Variants in MREG observed in about 807,000 individuals in gnomAD.
The protein encoded by MREG is dilute suppressor protein homolog.
A neutral mutation model predicts 28.5 loss-of-function variants in MREG; 31 were observed. The observed-to-expected ratio is 1.09, with a 90% confidence interval of 0.82 to 1.47. The LOEUF (loss-of-function observed/expected upper bound fraction) is 1.47. Ranked by LOEUF, MREG falls within the 40% of genes most tolerant of loss-of-function variation. The probability of loss-of-function intolerance (pLI) is 0.00; values close to 1 mark genes in which losing one functional copy is unlikely to be tolerated. For synonymous variants in MREG, 106 were observed against 95.2 expected (o/e 1.11, Z -0.66); for missense variants, 256 against 257.4 (o/e 0.99, Z 0.04).
chr2:215,986,110 C>G (rs1693563487), intron 2 of MREG, among the ~76,000 whole-genome samples: 1 of 152,124 alleles, frequency 6.6e-6, no homozygotes, highest in Non-Finnish European at 1.5e-5. Context: ...AGTAGTAGTC[C>G]TTGCTATAAA....
Position 215,979,472 on chromosome 2 carries a change from ATAAT to A in MREG, c.255+16830_255+16833del, listed in dbSNP as rs1559184958. On this transcript the variant is annotated intron_variant, in intron 2 of 4. Coordinates refer to ENST00000263268, the MANE Select transcript of MREG (RefSeq NM_018000.3). ...GAGTGAAACTCCATCTCAAAAAATA[ATAAT>A]AATAATAATAATAATAATAATAATA... Among the ~76,000 whole-genome samples, 85 of 98,738 alleles carry A rather than the reference ATAAT, an allele frequency of 8.6e-4. 3 individuals carry two copies. Among genetic ancestry groups the A allele is most frequent in the African/African-American group, 3.3e-3 (83 of 25,254 alleles). The allele number at this position is 98,738 out of a possible 152,430, so 64.8% of individuals were successfully genotyped here.
At chr2:215,982,961 C>T (rs1193313876) in intron 2 of MREG, among the ~76,000 whole-genome samples, 1 of 152,080 alleles carries the variant, frequency 6.6e-6, no homozygotes, top group East Asian at 1.9e-4. Flanking sequence ...GTGCAAGAAC[C>T]CTTGATTCTC....
At chr2:215,951,719 T>C (rs1387079569) in intron 2 of MREG, among the ~76,000 whole-genome samples, 1 of 152,138 alleles carries the variant, frequency 6.6e-6, no homozygotes, top group Non-Finnish European at 1.5e-5. Context: ...CAAATCAGAT[T>C]AGGGCTGCTA....
At chr2:215,954,537 T>C (rs1204457569) in intron 2 of MREG, among the ~76,000 whole-genome samples, 1 of 150,996 alleles carries the variant, frequency 6.6e-6, no homozygotes, top group Non-Finnish European at 1.5e-5. Flanking sequence ...CTGGTGAAGT[T>C]ATGTAACTTG....
intron 1 of MREG, among the ~76,000 whole-genome samples, chr2:216,010,476 A>G (rs954717401): frequency 7.0e-6 from 1 of 142,172 alleles, no homozygotes; most frequent in South Asian, 2.3e-4. Context: ...TCCTGCCTCA[A>G]CCTCCCGAGT....
chr2:216,008,693 T>C (rs142365418), intron 1 of MREG, among the ~76,000 whole-genome samples: 1 of 152,364 alleles, frequency 6.6e-6, no homozygotes, highest in Non-Finnish European at 1.5e-5. Flanking sequence ...GACTGTTTTG[T>C]GCCCACACAA....
rs200847925 is a variant in MREG, at chr2:215,961,956, C to A, written c.256-14843G>T. Among the ~76,000 whole-genome samples, 5 of 152,250 alleles carry A rather than the reference C, an allele frequency of 3.3e-5. No homozygotes were observed. In the East Asian group the frequency reaches 9.6e-4, roughly 29 times the overall value. On this transcript the variant is annotated intron_variant, in intron 2 of 4. Coordinates refer to ENST00000263268, the MANE Select transcript of MREG (RefSeq NM_018000.3). ...GCGGAGCCTCAAACCCCAAATCACACCTTGGAGTTACTGCTTAGAGCACCT... is the reference window on the plus strand; with the variant it reads ...GCGGAGCCTCAAACCCCAAATCACAACTTGGAGTTACTGCTTAGAGCACCT...
At position 215,998,317 on chromosome 2, in the gene MREG, A is replaced by AT. The variant is rs1553554002; in HGVS notation, c.96-1853_96-1852insA. The stretch of plus-strand genomic sequence containing the variant: ...CAAAACTCCATCTCACAAAAAAAAA[A>AT]AAAAATAATAATAATAATAATAATA... On this transcript the variant is annotated intron_variant, in intron 1 of 4. Transcript: ENST00000263268. 8.6e-3 allele frequency among the ~76,000 whole-genome samples: 1,262 copies of AT among 146,538 alleles called. 6 individuals are homozygous for AT. The highest frequency in any genetic ancestry group is 0.02 in the African/African-American group (770 of 38,914).
intron 1 of MREG, 63 bp from the exon 2 acceptor site, chr2:215,996,528 T>C (rs1693879448): frequency 1.7e-6 from 2 of 1,192,298 alleles, no homozygotes; most frequent in Non-Finnish European, 1.2e-6. Context: ...ATATGTCATA[T>C]GCATGCAACA....
intron 2 of MREG, among the ~76,000 whole-genome samples, chr2:215,963,435 C>T (rs1279695479): frequency 2.1e-5 from 1 of 46,660 alleles, no homozygotes; most frequent in Admixed American, 2.5e-4. Flanking sequence ...GAACCCATCT[C>T]AAAAAAAAAA....
chr2:215,940,856 CGT>C (rs964353809), downstream of MREG, among the ~76,000 whole-genome samples: 3 of 151,874 alleles, frequency 2.0e-5, no homozygotes, highest in Non-Finnish European at 2.9e-5. Flanking sequence ...TGTGTGCGCG[CGT>C]GTGTGTGTGT....
chr2:215,957,215 A>G lies in MREG; in HGVS notation c.256-10102T>C, dbSNP rs566677420. On this transcript the variant is annotated intron_variant, in intron 2 of 4. Transcript: ENST00000263268. ...GCCTGAGGAGGAACTAGGAAAACAC[A>G]ATTGAAATCTGGGGAGAAAACAGAA... Among the ~76,000 whole-genome samples, 6 of 152,316 alleles carry G rather than the reference A, an allele frequency of 3.9e-5. No homozygotes were observed. The South Asian group carries it at 1.0e-3, about 26-fold the overall frequency.
intron 2 of MREG, among the ~76,000 whole-genome samples, chr2:215,978,172 T>C (rs1693309077): frequency 1.3e-5 from 2 of 151,962 alleles, no homozygotes; most frequent in Admixed American, 6.5e-5. Context: ...AAGAATCAAA[T>C]AGATGCAATA....
At chr2:216,000,455 G>A (rs139871819) in intron 1 of MREG, among the ~76,000 whole-genome samples, 75 of 151,978 alleles carry the variant, frequency 4.9e-4, no homozygotes, top group African/African-American at 1.8e-3. Context: ...ACCCAGACCT[G>A]GCACAGAGCT....
chr2:216,002,089 T>C lies in MREG; in HGVS notation c.96-5624A>G, dbSNP rs556048474. On this transcript the variant is annotated intron_variant, in intron 1 of 4. Coordinates refer to ENST00000263268, the MANE Select transcript of MREG (RefSeq NM_018000.3). ...CTAAAGAAAGTGAGAGTGGTTGTGT[T>C]TCCCCTGGCCACCACCTGCTGATGA... Among the ~76,000 whole-genome samples the C allele has an allele frequency of 2.0e-5, 3 of 152,208 alleles. No individual in the cohort carries two copies. The South Asian group carries it at 6.2e-4, about 32-fold the overall frequency.
rs4258792 is a variant in MREG at position 215,942,779 on chromosome 2, C to A, written c.*2084G>T. Reference sequence around the variant, plus strand: ...AAAGGCAAAATACAAATTCTGAGACCGAGAGTAAAACAATACGACATCCTT... The same window carrying A: ...AAAGGCAAAATACAAATTCTGAGACAGAGAGTAAAACAATACGACATCCTT... On this transcript the variant is annotated 3_prime_UTR_variant, in exon 5 of 5. Coordinates refer to ENST00000263268, the MANE Select transcript of MREG (RefSeq NM_018000.3). 0.8 allele frequency: 122,667 copies of A among 152,660 alleles called. 49,723 individuals carry two copies. Among genetic ancestry groups the A allele is most frequent in the African/African-American group, 0.92 (38,070 of 41,566 alleles). 9.5% of individuals were successfully genotyped at this position (152,660 alleles called of 1,614,324 possible). A position where few individuals can be genotyped will look rare whatever the true frequency, so the allele number is the denominator to read the frequency against.
intron 2 of MREG, among the ~76,000 whole-genome samples, chr2:215,977,554 C>T (rs1038026683): frequency 1.3e-5 from 2 of 152,204 alleles, no homozygotes; most frequent in African/African-American, 4.8e-5. Context: ...CAGAACTCTC[C>T]ACCCCAAATC....
chr2:215,942,104 T>A (rs960636768), downstream of MREG, among the ~76,000 whole-genome samples: 1 of 152,182 alleles, frequency 6.6e-6, no homozygotes, highest in African/African-American at 2.4e-5. Context: ...GTGCAACACA[T>A]CCATGAACTG....
rs1553554016 is a variant in MREG at position 215,998,320 on chromosome 2, A to AATAAT, written c.96-1856_96-1855insATTAT. On this transcript the variant is annotated intron_variant, in intron 1 of 4. Transcript: ENST00000263268. ...AACTCCATCTCACAAAAAAAAAAAA[A>AATAAT]AATAATAATAATAATAATAATAATA... Among the ~76,000 whole-genome samples, 862 of 138,840 alleles carry AATAAT rather than the reference A, an allele frequency of 6.2e-3. 9 individuals are homozygous for AATAAT. The highest frequency in any genetic ancestry group is 0.022 in the African/African-American group (812 of 36,928). 91.1% of individuals were successfully genotyped at this position (138,840 alleles called of 152,430 possible). A position where few individuals can be genotyped will look rare whatever the true frequency, so the allele number is the denominator to read the frequency against.
Sources: allele counts gnomAD v4.1 joint callset (sites outside exome capture counted in the v4.1 genomes callset), GRCh38; gene constraint gnomAD v4.1.1; transcripts MANE v1.5; gene names NCBI Gene and HGNC (gene_info 2026-07-23, HGNC 2026-07-21).